The following CDH20 variants were observed in gnomAD, a reference collection of about 807,000 sequenced individuals.
The protein encoded by CDH20 is cadherin-20.
In CDH20, 29 loss-of-function variants were observed where a neutral mutation model predicts 74.2. That is an observed-to-expected ratio of 0.39 (90% CI 0.29 to 0.53). CDH20 has a LOEUF of 0.53. CDH20 is among the 20% of genes least tolerant of loss of function. The probability of loss-of-function intolerance (pLI) is 0.69; values close to 1 mark genes in which losing one functional copy is unlikely to be tolerated. For synonymous variants in CDH20, 469 were observed against 405.4 expected, an observed-to-expected ratio of 1.16 and a Z score of -1.88; for missense variants, 988 against 1,048.3, an observed-to-expected ratio of 0.94 and a Z score of 0.79.
rs545910314 is a variant in CDH20 at position 61,453,820 on chromosome 18, G to A, written c.-152-36582G>A. On this transcript the variant is annotated intron_variant, in intron 1 of 11. Transcript: ENST00000262717. ...ATGTCTTCATTTCTCTGGGATAAAT[G>A]CCCGAGTGCAACTGTTGGATGGTAT... Among the ~76,000 whole-genome samples, 8 of 152,246 alleles carry A rather than the reference G, an allele frequency of 5.3e-5. No individual in the cohort carries two copies. The South Asian group carries it at 1.2e-3, about 24-fold the overall frequency.
At position 61,450,702 on chromosome 18, in the gene CDH20, AT is replaced by A. The variant is rs1292506237; in HGVS notation, c.-152-39694del. On this transcript the variant is annotated intron_variant, in intron 1 of 11. Transcript: ENST00000262717. ...ATATATGTACATGTATAGAGATATA[AT>A]TTTTTACAAAATGAGATCATACTAT... Among the ~76,000 whole-genome samples, 3 of 152,126 alleles carry A rather than the reference AT, an allele frequency of 2.0e-5. No individual in the cohort carries two copies. The South Asian group carries it at 6.2e-4, about 32-fold the overall frequency.
intron 2 of CDH20, 66 bp from the exon 3 acceptor site, chr18:61,499,120 A>G (rs1599127927): frequency 1.5e-6 from 2 of 1,299,564 alleles, no homozygotes; most frequent in East Asian, 2.4e-5. Context: ...TAACAAACTG[A>G]AAATCAATGT....
intron 6 of CDH20, among the ~76,000 whole-genome samples, chr18:61,510,663 G>C (rs1334170841): frequency 6.6e-6 from 1 of 152,108 alleles, no homozygotes; most frequent in Non-Finnish European, 1.5e-5. Context: ...CCACCAACCA[G>C]AAATCTTTCT....
rs750006496 is a variant in CDH20, at chr18:61,507,554, G to A, written c.1011G>A (p.Val337=). 5 of 1,603,510 alleles carry A rather than the reference G, an allele frequency of 3.1e-6. No homozygotes were observed. Among genetic ancestry groups the A allele is most frequent in the East Asian group, 2.2e-5 (1 of 44,560 alleles). Residue 337 remains valine (V), a synonymous_variant, in exon 6 of 12, where the codon GTG becomes GTA. Transcript: ENST00000262717. ...DPNFQVGIIT[V]KKPLSFESKK... is the part of the protein sequence containing the mutation. ...ATTTCCAAGTTGGTATCATAACTGT[G>A]AAGAAGGTAATCCAACTCCTTTTTC...
chr18:61,450,692 T>G (rs528061805), intron 1 of CDH20, among the ~76,000 whole-genome samples: 1 of 152,188 alleles, frequency 6.6e-6, no homozygotes, highest in African/African-American at 2.4e-5. Flanking sequence ...TGTACATGTA[T>G]AGAGATATAA....
chr18:61,457,707 G>C (rs1445096455), intron 1 of CDH20, among the ~76,000 whole-genome samples: 1 of 152,096 alleles, frequency 6.6e-6, no homozygotes, highest in African/African-American at 2.4e-5. Context: ...CCTATCATTG[G>C]TGTTATTTTT....
At chr18:61,432,070 C>A (rs1913273555) in intron 1 of CDH20, among the ~76,000 whole-genome samples, 1 of 151,748 alleles carries the variant, frequency 6.6e-6, no homozygotes, top group Non-Finnish European at 1.5e-5. Flanking sequence ...CATGGTGAAA[C>A]CCCATCTCTA....
At chr18:61,427,037 G>A (rs551791573) in intron 1 of CDH20, among the ~76,000 whole-genome samples, 28 of 152,084 alleles carry the variant, frequency 1.8e-4, no homozygotes, top group Non-Finnish European at 3.8e-4. Context: ...CAGAGTGAGG[G>A]GCAAGAACAG....
intron 7 of CDH20, among the ~76,000 whole-genome samples, chr18:61,529,256 A>G (rs1371316157): frequency 2.6e-5 from 4 of 152,226 alleles, no homozygotes; most frequent in Non-Finnish European, 4.4e-5. Context: ...TGCAGATAAC[A>G]CATTTTAAAC....
At chr18:61,404,603 A>G (rs1246487860) in intron 1 of CDH20, among the ~76,000 whole-genome samples, 1 of 152,152 alleles carries the variant, frequency 6.6e-6, no homozygotes, top group African/African-American at 2.4e-5. Context: ...TACAATAATA[A>G]TCCACGGGTA....
At chr18:61,486,912 A>G (rs1033519464) in intron 1 of CDH20, among the ~76,000 whole-genome samples, 1 of 152,234 alleles carries the variant, frequency 6.6e-6, no homozygotes. Flanking sequence ...GAGCAAGACC[A>G]TAAAAGCCCA....
At chr18:61,347,343 CACACACACAT>C (rs1191860731) in intron 1 of CDH20, among the ~76,000 whole-genome samples, 26 of 140,554 alleles carry the variant, frequency 1.8e-4, no homozygotes, top group African/African-American at 6.9e-4. Flanking sequence ...CACACACACA[CACACACACAT>C]ATATATATAC....
chr18:61,540,548 A>G (rs746535716), intron 9 of CDH20, among the ~76,000 whole-genome samples: 8 of 152,192 alleles, frequency 5.3e-5, no homozygotes, highest in Non-Finnish European at 8.8e-5. Context: ...TTATAAAACT[A>G]TCAGATCTTG....
chr18:61,444,073 A>G (rs1474857586), intron 1 of CDH20, among the ~76,000 whole-genome samples: 1 of 152,114 alleles, frequency 6.6e-6, no homozygotes, highest in Non-Finnish European at 1.5e-5. Context: ...TTTGGGGCTT[A>G]TAGCTAGTCA....
intron 10 of CDH20, among the ~76,000 whole-genome samples, chr18:61,547,867 C>A (rs1316254320): frequency 6.6e-6 from 1 of 152,146 alleles, no homozygotes. Flanking sequence ...CTGGACTCAG[C>A]AATGTGATGC....
intron 9 of CDH20, among the ~76,000 whole-genome samples, chr18:61,544,629 A>G (rs1394444010): frequency 6.6e-6 from 1 of 152,106 alleles, no homozygotes; most frequent in Non-Finnish European, 1.5e-5. Flanking sequence ...CATCCGCATC[A>G]TTCCACCATC....
chr18:61,532,151 C>T (rs769207296), intron 7 of CDH20, among the ~76,000 whole-genome samples: 4 of 152,156 alleles, frequency 2.6e-5, no homozygotes, highest in Non-Finnish European at 5.9e-5. Flanking sequence ...GGGCAAGGGA[C>T]CTAACCTGTC....
intron 1 of CDH20, among the ~76,000 whole-genome samples, chr18:61,349,644 T>A (rs918433167): frequency 3.3e-5 from 5 of 152,086 alleles, no homozygotes; most frequent in Admixed American, 1.3e-4. Context: ...GCAATGAGTA[T>A]TAGAACTGCT....
intron 1 of CDH20, among the ~76,000 whole-genome samples, chr18:61,420,680 T>C (rs1406999642): frequency 6.6e-6 from 1 of 152,182 alleles, no homozygotes; most frequent in Non-Finnish European, 1.5e-5. Flanking sequence ...CCTTTTCAGC[T>C]TGAACTCTTG....
Sources: allele counts gnomAD v4.1 joint callset (sites outside exome capture counted in the v4.1 genomes callset), GRCh38; gene constraint gnomAD v4.1.1; transcripts MANE v1.5; gene names NCBI Gene and HGNC (gene_info 2026-07-23, HGNC 2026-07-21).